Variants in SIM2 observed in about 807,000 individuals in gnomAD.
SIM2 encodes single-minded homolog 2.
A neutral mutation model predicts 64.8 loss-of-function variants in SIM2; 28 were observed. The observed-to-expected ratio is 0.43, with a 90% CI of 0.32 to 0.59. The LOEUF (loss-of-function observed/expected upper bound fraction) is 0.59, where lower values mean the gene tolerates loss of function less well. SIM2 is among the 20% of genes least tolerant of loss of function. The pLI is 0.07. For missense variants in SIM2, 847 were observed against 871.4 expected, an observed-to-expected ratio of 0.97 and a Z score of 0.35; for synonymous variants, 408 against 391.1, an observed-to-expected ratio of 1.04 and a Z score of -0.51.
chr21:36,730,985 G>A, intron 6 of SIM2, 60 bp from the exon 7 acceptor site: 5 of 1,250,264 alleles, frequency 4.0e-6, no homozygotes, highest in Non-Finnish European at 3.5e-6. Flanking sequence ...ACCAATATTA[G>A]TTTAAATGAA....
At position 36,723,212 on chromosome 21, in the gene SIM2, C is replaced by T. The variant is rs143588372; in HGVS notation, c.543+82C>T. ...TCAAGAGCGTCTGCAGAAAGGAAGG[C>T]ACGGGAGCACAAACTCGTCATCCCC... is the stretch of plus-strand genomic sequence containing the variant. On this transcript the variant is annotated intron_variant, in intron 5 of 10. Transcript: ENST00000290399. The T allele has an allele frequency of 2.1e-3, 2,304 of 1,122,778 alleles. 5 individuals are homozygous for T. The highest frequency in any genetic ancestry group is 2.7e-3 in the Non-Finnish European group (1,954 of 737,150). 69.6% of individuals were successfully genotyped at this position (1,122,778 alleles called of 1,614,324 possible).
chr21:36,737,110 G>A (rs559085732), intron 7 of SIM2, among the ~76,000 whole-genome samples: 2 of 152,056 alleles, frequency 1.3e-5, no homozygotes, highest in Admixed American at 6.6e-5. Context: ...AATGTTTTTG[G>A]TAAAGATGGG....
rs938234908 is a variant in SIM2, at chr21:36,747,759, G to A, written c.1671G>A (p.Pro557=). 16 of 1,163,932 alleles carry A rather than the reference G, an allele frequency of 1.4e-5. No individual in the cohort carries two copies. Among genetic ancestry groups the A allele is most frequent in the Non-Finnish European group, 1.7e-5 (16 of 946,888 alleles). 72.1% of individuals were successfully genotyped at this position (1,163,932 alleles called of 1,614,324 possible). A position where few individuals can be genotyped will look rare whatever the true frequency, so the allele number is the denominator to read the frequency against. Residue 557 remains proline, a synonymous_variant, in exon 11 of 11, where the codon CCG becomes CCA. Transcript: ENST00000290399. The surrounding 1 kb of genome is among the most constrained non-coding windows in gnomAD (Gnocchi z 4.5). The part of the protein sequence containing the change: ...GHYREEPALG[P]AKAARQAARD... ...ACCGCGAGGAGCCCGCGCTGGGCCC[G>A]GCCAAAGCCGCCCGCCAGGCCGCCC...
In SIM2 at chr21:36,747,911, G is replaced by A. The variant is rs992166681; in HGVS notation, c.1823G>A (p.Arg608Gln). 9.5e-6 allele frequency: 10 copies of A among 1,056,160 alleles called. No individual in the cohort carries two copies. The African/African-American group carries it at 1.0e-4, about 11-fold the overall frequency. 65.4% of individuals were successfully genotyped at this position (1,056,160 alleles called of 1,614,324 possible). A position where few individuals can be genotyped will look rare whatever the true frequency, so the allele number is the denominator to read the frequency against. The stretch of plus-strand genomic sequence containing the variant: ...CTCAACTACCACCGCGTGCTGGCCC[G>A]GCGCGGACCGCTGGGGGGCGCCGCA... ...VLLNYHRVLA[R>Q]RGPLGGAAPA... The change falls in exon 11 of 11, where the codon CGG becomes CAG. Residue 608 changes from arginine (R) to glutamine (Q), a missense_variant. Coordinates refer to ENST00000290399, the MANE Select transcript of SIM2 (RefSeq NM_005069.6). The surrounding 1 kb of genome is among the most constrained non-coding windows in gnomAD (Gnocchi z 4.5).
intron 7 of SIM2, among the ~76,000 whole-genome samples, chr21:36,739,217 T>C (rs1387250897): frequency 1.3e-5 from 2 of 152,236 alleles, no homozygotes; most frequent in Non-Finnish European, 2.9e-5. Context: ...AATCCTCAAA[T>C]AGATCATCTA....
At chr21:36,730,592 T>C (rs1272404428) in intron 6 of SIM2, among the ~76,000 whole-genome samples, 1 of 152,146 alleles carries the variant, frequency 6.6e-6, no homozygotes, top group East Asian at 1.9e-4. Context: ...TACCACTGAA[T>C]TGTACACTAG....
At chr21:36,725,814 T>G (rs117851930) in intron 5 of SIM2, among the ~76,000 whole-genome samples, 1 of 152,038 alleles carries the variant, frequency 6.6e-6, no homozygotes, top group African/African-American at 2.4e-5. Context: ...AGAGAAGGGG[T>G]TTCGCCATGT....
In SIM2 at chr21:36,699,778, C is replaced by T. The variant is rs1317065059; in HGVS notation, c.32C>T (p.Thr11Ile). ...GAGAAGTCCAAGAATGCGGCCAAGA[C>T]CAGGAGGGAGAAGGAAAATGGCGAG... MKEKSKNAAK[T>I]RREKENGEFY... The change falls in exon 1 of 11, where the codon ACC (threonine) becomes ATC (isoleucine). Residue 11 changes from threonine to isoleucine, a missense_variant. By Grantham distance (89) the Thr-to-Ile change is moderately conservative. This residue lies in a region of SIM2 where 397 missense variants were observed against 439.2 expected (regional missense o/e 0.90). Transcript: ENST00000290399. This position sits in a 1 kb window ranked among gnomAD's most constrained non-coding sequence, Gnocchi z 5.6. 23 of 1,612,892 alleles carry T rather than the reference C, an allele frequency of 1.4e-5. No individual in the cohort carries two copies. Among genetic ancestry groups the T allele is most frequent in the Non-Finnish European group, 1.8e-5 (21 of 1,179,430 alleles).
intron 4 of SIM2, 49 bp from the exon 5 acceptor site, chr21:36,722,996 G>A: frequency 6.9e-7 from 1 of 1,440,582 alleles, no homozygotes; most frequent in Non-Finnish European, 9.8e-7. Context: ...ATAAGGATGG[G>A]GGAAGCACGG....
At chr21:36,730,791 A>G (rs552632246) in intron 6 of SIM2, among the ~76,000 whole-genome samples, 4 of 152,328 alleles carry the variant, frequency 2.6e-5, no homozygotes, top group South Asian at 2.1e-4. Context: ...AAAGGCTACA[A>G]TTTTAAGCCA....
In SIM2 at chr21:36,732,597, C is replaced by T. The variant is rs150925745; in HGVS notation, c.850+1446C>T. Among the ~76,000 whole-genome samples, 462 of 152,318 alleles carry T rather than the reference C, an allele frequency of 3.0e-3. 2 individuals are homozygous for T. Among genetic ancestry groups the T allele is most frequent in the African/African-American group, 0.01 (421 of 41,560 alleles). On this transcript the variant is annotated intron_variant, in intron 7 of 10. Coordinates refer to ENST00000290399, the MANE Select transcript of SIM2 (RefSeq NM_005069.6). The stretch of plus-strand genomic sequence containing the variant: ...GGACTTATGGCTGAGCAGGCACAGA[C>T]GGCTTCTTCCTTGCTCCTTGACTCA...
chr21:36,708,005 G>T (rs2088612499), intron 1 of SIM2, among the ~76,000 whole-genome samples: 1 of 65,556 alleles, frequency 1.5e-5, no homozygotes, highest in Non-Finnish European at 3.0e-5. Context: ...CGCCAGCAGC[G>T]CCCGCAGCTC....
At chr21:36,709,565 A>G (rs1324058365) in intron 2 of SIM2, 1 of 504,446 alleles carries the variant, frequency 2.0e-6, no homozygotes, top group African/African-American at 1.9e-5. Flanking sequence ...CACTTCCCTC[A>G]GCAGGTTCCA....
intron 7 of SIM2, among the ~76,000 whole-genome samples, chr21:36,735,405 G>A (rs898867244): frequency 4.6e-5 from 7 of 152,188 alleles, no homozygotes; most frequent in Admixed American, 2.6e-4. Context: ...TCCGAGCCCT[G>A]TCTGTCATCT....
intron 2 of SIM2, among the ~76,000 whole-genome samples, chr21:36,711,751 T>C (rs1225628339): frequency 1.3e-5 from 2 of 152,214 alleles, no homozygotes; most frequent in East Asian, 3.8e-4. Flanking sequence ...TAAAATACAG[T>C]TTCCTTTTTC....
chr21:36,735,018 G>C (rs2089023740), intron 7 of SIM2, among the ~76,000 whole-genome samples: 1 of 152,228 alleles, frequency 6.6e-6, no homozygotes, highest in South Asian at 2.1e-4. Context: ...AGCCAGAGAA[G>C]AGAAGGAGCC....
chr21:36,718,439 G>A (rs78216718), intron 3 of SIM2, among the ~76,000 whole-genome samples: 2,587 of 152,258 alleles, frequency 0.017, 66 homozygotes, highest in African/African-American at 0.06. Flanking sequence ...GGCTCCCAGC[G>A]ACACCTGCAG....
At chr21:36,739,448 A>G (rs1243506867) in intron 7 of SIM2, among the ~76,000 whole-genome samples, 2 of 152,198 alleles carry the variant, frequency 1.3e-5, no homozygotes, top group Admixed American at 1.3e-4. Flanking sequence ...CCCATAATAT[A>G]ACAATTTCTT....
chr21:36,746,009 G>C, intron 10 of SIM2: 1 of 1,175,572 alleles, frequency 8.5e-7, no homozygotes, highest in Non-Finnish European at 1.1e-6. Flanking sequence ...TGTGGGTGAA[G>C]GTGACATCAG....
Sources: gnomAD v4.1 joint callset for allele counts (sites outside exome capture counted in the v4.1 genomes callset) on GRCh38, gnomAD v4.1.1 for gene constraint, gnomAD v4.1.1 regional missense constraint, Gnocchi (gnomAD v3.1) non-coding constraint, MANE v1.5 for transcripts, NCBI Gene and HGNC (gene_info 2026-07-23, HGNC 2026-07-21) for gene names.